Variants in KIF3A observed in about 807,000 individuals in gnomAD.
KIF3A encodes the protein kinesin family member 3A.
A neutral mutation model predicts 92.6 loss-of-function variants in KIF3A; 27 were observed. The observed-to-expected ratio is 0.29, with a 90% CI of 0.21 to 0.40. KIF3A has a LOEUF of 0.40. Among genes scored for constraint, KIF3A ranks in the 10% least tolerant of loss-of-function variants. KIF3A has a pLI of 1.00. For missense variants in KIF3A, 581 were observed against 872.6 expected (o/e 0.67, Z 4.21); for synonymous variants, 250 against 275.4 (o/e 0.91, Z 0.92).
downstream of KIF3A, among the ~76,000 whole-genome samples, chr5:132,689,117 A>G (rs1470503346): frequency 6.6e-6 from 1 of 152,202 alleles, no homozygotes; most frequent in Non-Finnish European, 1.5e-5. Context: ...CCTCTTCGTA[A>G]TCATTTTCCC....
chr5:132,716,866 C>T lies in KIF3A; in HGVS notation c.735G>A (p.Lys245=). ...TTACAGCAAGATCTACAAGATGGAGCTTCCCCATCCTGACATGCATGTTAC... is the reference window on the plus strand; with the variant it reads ...TTACAGCAAGATCTACAAGATGGAGTTTCCCCATCCTGACATGCATGTTAC... ...IDGNMHVRMG[K]LHLVDLAGSE... Residue 245 remains lysine, a synonymous_variant, in exon 6 of 19, where the codon AAG becomes AAA. Coordinates refer to ENST00000403231, the MANE Select transcript of KIF3A (RefSeq NM_001300791.2). 6.2e-7 allele frequency: 1 copy of T among 1,613,884 alleles called. No homozygotes were observed. The highest frequency in any genetic ancestry group is 8.5e-7 in the Non-Finnish European group (1 of 1,179,864).
At chr5:132,691,423 T>C (rs1251562259), downstream of KIF3A, among the ~76,000 whole-genome samples, 1 of 151,928 alleles carries the variant, frequency 6.6e-6, no homozygotes, top group African/African-American at 2.4e-5. Context: ...GGTGCATGCC[T>C]GTAGTCCCAG....
chr5:132,726,070 T>C (rs1292630533), intron 4 of KIF3A, 58 bp downstream of exon 4: 9 of 1,264,180 alleles, frequency 7.1e-6, no homozygotes, highest in Non-Finnish European at 1.0e-5. Context: ...GGGACCTTAA[T>C]TTAGCAAATA....
intron 1 of KIF3A, among the ~76,000 whole-genome samples, chr5:132,737,117 G>A (rs1754421219): frequency 6.6e-6 from 1 of 152,250 alleles, no homozygotes; most frequent in Non-Finnish European, 1.5e-5. Context: ...AGGAAGGGCT[G>A]CGAGCCAGAG....
At chr5:132,713,156 A>C (rs1753487493) in intron 8 of KIF3A, among the ~76,000 whole-genome samples, 2 of 151,486 alleles carry the variant, frequency 1.3e-5, no homozygotes, top group Non-Finnish European at 2.9e-5. Flanking sequence ...ACTCTGTCTC[A>C]AAACAAAAAA....
intron 2 of KIF3A, among the ~76,000 whole-genome samples, chr5:132,726,885 A>G (rs1053765873): frequency 1.3e-5 from 2 of 152,204 alleles, no homozygotes; most frequent in African/African-American, 4.8e-5. Flanking sequence ...GACCTGTCTC[A>G]AACCACATCT....
At chr5:132,730,528 T>C (rs1351892239) in intron 2 of KIF3A, among the ~76,000 whole-genome samples, 1 of 151,242 alleles carries the variant, frequency 6.6e-6, no homozygotes, top group Non-Finnish European at 1.5e-5. Flanking sequence ...AGCTCATGTC[T>C]GTAATCCCAG....
At chr5:132,711,826 T>C (rs999300780) in intron 8 of KIF3A, among the ~76,000 whole-genome samples, 28 of 152,232 alleles carry the variant, frequency 1.8e-4, no homozygotes, top group African/African-American at 5.8e-4. Flanking sequence ...TATCACAAGA[T>C]ATTTTCAAAA....
chr5:132,724,911 C>T (rs754717105), intron 4 of KIF3A, among the ~76,000 whole-genome samples: 1 of 139,846 alleles, frequency 7.2e-6, no homozygotes, highest in Non-Finnish European at 1.5e-5. Flanking sequence ...TCAAAACTCC[C>T]TGGCATAACA....
intron 11 of KIF3A, among the ~76,000 whole-genome samples, chr5:132,704,837 T>C (rs890867623): frequency 1.8e-4 from 27 of 151,854 alleles, no homozygotes; most frequent in Admixed American, 3.3e-4. Context: ...GAAAAATAAT[T>C]ATGATGGAGA....
chr5:132,710,814 A>G (rs1000072739), intron 9 of KIF3A, 145 bp downstream of exon 9: 1 of 1,101,722 alleles, frequency 9.1e-7, no homozygotes, highest in African/African-American at 1.6e-5. Context: ...AAAAAATGCA[A>G]AGTTAACCAG....
At chr5:132,710,605 G>A (rs555598024) in intron 9 of KIF3A, among the ~76,000 whole-genome samples, 1 of 152,294 alleles carries the variant, frequency 6.6e-6, no homozygotes, top group East Asian at 1.9e-4. Flanking sequence ...GACAGAATGA[G>A]ACTCCGTCTC....
chr5:132,702,345 C>T (rs1376343874), intron 14 of KIF3A, 133 bp from the exon 15 acceptor site: 13 of 838,252 alleles, frequency 1.6e-5, no homozygotes, highest in South Asian at 1.4e-4. Context: ...TGATAAACAG[C>T]GTGACACTAT....
At chr5:132,706,033 T>C (rs1753198090) in intron 11 of KIF3A, among the ~76,000 whole-genome samples, 1 of 152,124 alleles carries the variant, frequency 6.6e-6, no homozygotes, top group Non-Finnish European at 1.5e-5. Context: ...AACATTTTTT[T>C]ATTGCCCTTT....
At chr5:132,705,995 G>A (rs1753196373) in intron 11 of KIF3A, among the ~76,000 whole-genome samples, 1 of 151,978 alleles carries the variant, frequency 6.6e-6, no homozygotes, top group Non-Finnish European at 1.5e-5. Context: ...GCCATAAACA[G>A]TATTTAACTA....
In KIF3A at chr5:132,708,946, A is replaced by T. The variant is rs1482561501; in HGVS notation, c.1261T>A (p.Cys421Ser). ...TCCAGAGGTTTCTCTATGACAGAAC[A>T]TGTGGAGTCTGAACTACTGCTGCTG... Reference protein sequence around the residue: ...SSSSSSSDSTCSVIEKPLDKF... With the variant: ...SSSSSSSDSTSSVIEKPLDKF... Residue 421 changes from cysteine to serine, a missense_variant, in exon 10 of 19, where the codon TGT (cysteine) becomes AGT (serine). Transcript: ENST00000403231. 6.5e-7 allele frequency: 1 copy of T among 1,550,274 alleles called. No individual in the cohort carries two copies. The highest frequency in any genetic ancestry group is 8.7e-7 in the Non-Finnish European group (1 of 1,146,856).
intron 11 of KIF3A, 86 bp from the exon 12 acceptor site, chr5:132,703,705 C>T (rs1318171714): frequency 1.1e-5 from 10 of 874,962 alleles, no homozygotes; most frequent in Admixed American, 2.8e-5. Flanking sequence ...TATAGAAATG[C>T]CTACACTCCT....
chr5:132,730,033 A>G (rs1197327656), intron 2 of KIF3A, among the ~76,000 whole-genome samples: 1 of 152,236 alleles, frequency 6.6e-6, no homozygotes, highest in Non-Finnish European at 1.5e-5. Flanking sequence ...ACCAATATCA[A>G]AAATGAGAAA....
intron 1 of KIF3A, chr5:132,736,744 T>A (rs13156150): frequency 2.2e-6 from 1 of 464,706 alleles, no homozygotes; most frequent in African/African-American, 2.0e-5. Flanking sequence ...TAAATAATTA[T>A]CCGAGGCCTC....
Sources: allele counts gnomAD v4.1 joint callset (sites outside exome capture counted in the v4.1 genomes callset), GRCh38; gene constraint gnomAD v4.1.1; transcripts MANE v1.5; gene names NCBI Gene and HGNC (gene_info 2026-07-23, HGNC 2026-07-21).